The following GPC5 variants were observed in gnomAD, a reference collection of about 807,000 sequenced individuals.
The protein encoded by GPC5 is glypican 5.
GPC5 carries 47 observed loss-of-function variants against 53.9 expected under a neutral mutation model. The ratio of observed to expected loss-of-function variants is 0.87; its 90% CI spans 0.69 to 1.11. The LOEUF (loss-of-function observed/expected upper bound fraction) is 1.11. Ranked by LOEUF, GPC5 falls within the 50% of genes most tolerant of loss-of-function variation. The probability of loss-of-function intolerance (pLI) is 0.00; values close to 1 mark genes in which losing one functional copy is unlikely to be tolerated. For synonymous variants in GPC5, 286 were observed against 263.3 expected, an observed-to-expected ratio of 1.09 and a Z score of -0.84; for missense variants, 748 against 713.1, an observed-to-expected ratio of 1.05 and a Z score of -0.56.
At chr13:92,487,489 C>CT (rs1879598316) in intron 7 of GPC5, among the ~76,000 whole-genome samples, 1 of 152,138 alleles carries the variant, frequency 6.6e-6, no homozygotes, top group African/African-American at 2.4e-5. Context: ...TGGGATAATA[C>CT]TTATCTATAA....
chr13:91,528,048 A>G (rs997784769), intron 2 of GPC5, among the ~76,000 whole-genome samples: 1 of 152,070 alleles, frequency 6.6e-6, no homozygotes, highest in African/African-American at 2.4e-5. Flanking sequence ...AGTTCCCTGA[A>G]GACAATTGTC....
intron 6 of GPC5, among the ~76,000 whole-genome samples, chr13:91,917,751 G>T (rs1470180832): frequency 1.3e-5 from 2 of 152,170 alleles, no homozygotes; most frequent in African/African-American, 4.8e-5. Flanking sequence ...TTCCCAACAA[G>T]TTCCTCATCT....
In GPC5 at chr13:91,618,848, T is replaced by G. The variant is rs988595037; in HGVS notation, c.326-74339T>G. On this transcript the variant is annotated intron_variant, in intron 2 of 7. Transcript: ENST00000377067. ...CCCATAACCTAACTTACAGAGTTTT[T>G]GTATTAAATGAAATAATCTTTGTAT... 5.3e-5 allele frequency among the ~76,000 whole-genome samples: 8 copies of G among 152,078 alleles called. No homozygotes were observed. The East Asian group carries it at 1.5e-3, about 29-fold the overall frequency.
rs554096343 is a variant in GPC5, at chr13:92,084,039, G to A, written c.1402-60791G>A. Among the ~76,000 whole-genome samples, 5 of 152,254 alleles carry A rather than the reference G, an allele frequency of 3.3e-5. No homozygotes were observed. In the South Asian group the frequency reaches 1.0e-3, roughly 32 times the overall value. On this transcript the variant is annotated intron_variant, in intron 6 of 7. Coordinates refer to ENST00000377067, the MANE Select transcript of GPC5 (RefSeq NM_004466.6). ...ACACAGGAACAGAAAACCAAACACA[G>A]CATGTTCTCACTTATAAGTGGGAGC... is the stretch of plus-strand genomic sequence containing the variant.
rs202192899 is a variant in GPC5, at chr13:92,181,115, CA to C, written c.1561+36128del. On this transcript the variant is annotated intron_variant, in intron 7 of 7. Transcript: ENST00000377067. ...GCTACTACTCTTTCCTGATAGTCCA[CA>C]ATAGCTATAGCCAGCCTGGTTGTGG... 7.6e-3 allele frequency among the ~76,000 whole-genome samples: 1,152 copies of C among 152,234 alleles called. 9 individuals carry two copies. The highest frequency in any genetic ancestry group is 0.03 in the South Asian group (147 of 4,824).
chr13:92,828,250 A>G (rs1877921862), intron 7 of GPC5, among the ~76,000 whole-genome samples: 2 of 152,016 alleles, frequency 1.3e-5, no homozygotes, highest in East Asian at 3.9e-4. Flanking sequence ...CTCCCCCACC[A>G]CACCCCACAC....
chr13:92,500,393 G>A (rs916724626), intron 7 of GPC5, among the ~76,000 whole-genome samples: 2 of 152,168 alleles, frequency 1.3e-5, no homozygotes, highest in African/African-American at 2.4e-5. Context: ...CCATTAGAAG[G>A]TAATTACTGT....
At chr13:91,708,400 C>T (rs940943205) in intron 3 of GPC5, among the ~76,000 whole-genome samples, 6 of 148,402 alleles carry the variant, frequency 4.0e-5, no homozygotes, top group South Asian at 2.1e-4. Context: ...TACTTTAACA[C>T]GGTTTGTGAA....
At chr13:91,862,926 C>CT (rs1367983427) in intron 5 of GPC5, among the ~76,000 whole-genome samples, 2 of 151,920 alleles carry the variant, frequency 1.3e-5, no homozygotes, top group African/African-American at 2.4e-5. Context: ...TTTCTTCTTT[C>CT]TTTTTTTCCT....
intron 7 of GPC5, among the ~76,000 whole-genome samples, chr13:92,646,964 GTGTA>G (rs571871297): frequency 2.6e-4 from 39 of 150,692 alleles, no homozygotes; most frequent in South Asian, 1.9e-3. Context: ...GTGTGTGTGT[GTGTA>G]TATAAACCTG....
chr13:91,412,658 AG>A (rs1877895926), intron 1 of GPC5, among the ~76,000 whole-genome samples: 1 of 152,260 alleles, frequency 6.6e-6, no homozygotes, highest in Non-Finnish European at 1.5e-5. Context: ...ATAATTTCTC[AG>A]GAATATGACG....
chr13:92,825,331 A>C (rs1265091963), intron 7 of GPC5, among the ~76,000 whole-genome samples: 3 of 152,162 alleles, frequency 2.0e-5, no homozygotes, highest in Non-Finnish European at 4.4e-5. Context: ...CTAAAATTTT[A>C]CATGTACTAG....
chr13:91,867,191 G>A (rs2039094622), intron 5 of GPC5, among the ~76,000 whole-genome samples: 1 of 152,098 alleles, frequency 6.6e-6, no homozygotes, highest in South Asian at 2.1e-4. Flanking sequence ...CTCCAGCCTG[G>A]GAAACAAGAG....
At chr13:92,424,648 A>AT (rs59016705) in intron 7 of GPC5, among the ~76,000 whole-genome samples, 2,742 of 148,784 alleles carry the variant, frequency 0.018, 79 homozygotes, top group African/African-American at 0.06. Context: ...TGATCTCTGT[A>AT]TTTTTTTTTT....
chr13:92,376,341 G>A (rs1333355907), intron 7 of GPC5, among the ~76,000 whole-genome samples: 1 of 152,116 alleles, frequency 6.6e-6, no homozygotes, highest in Non-Finnish European at 1.5e-5. Flanking sequence ...TAGCTTCCAT[G>A]TCATCAATTT....
rs527747294 is a variant in GPC5 at position 91,731,045 on chromosome 13, G to A, written c.1154+2380G>A. 2.3e-4 allele frequency among the ~76,000 whole-genome samples: 35 copies of A among 152,304 alleles called. 1 individual carries two copies. The East Asian group carries it at 6.2e-3, about 27-fold the overall frequency. On this transcript the variant is annotated intron_variant, in intron 4 of 7. Coordinates refer to ENST00000377067, the MANE Select transcript of GPC5 (RefSeq NM_004466.6). The stretch of plus-strand genomic sequence containing the variant: ...CCCACAGGATATCTAGACAATCAAG[G>A]CTCCTGTCTACCATGGACTGGGAAA...
intron 6 of GPC5, among the ~76,000 whole-genome samples, chr13:92,066,762 CT>C (rs2041170931): frequency 6.6e-6 from 1 of 152,040 alleles, no homozygotes; most frequent in Non-Finnish European, 1.5e-5. Context: ...ATGTGTAATT[CT>C]TGCTTGAATG....
Position 92,390,906 on chromosome 13 carries a change from C to T in GPC5, c.1561+245917C>T, listed in dbSNP as rs146618239. On this transcript the variant is annotated intron_variant, in intron 7 of 7. Transcript: ENST00000377067. ...TTTAGGGCTTTGGTTCAACTGGTCA[C>T]ATAATCAATGTGTAGATTAATTTTA... is the stretch of plus-strand genomic sequence containing the variant. Among the ~76,000 whole-genome samples the T allele has an allele frequency of 2.0e-3, 298 of 152,172 alleles. 3 individuals are homozygous for T. The Middle Eastern group carries it at 0.038, about 19-fold the overall frequency.
intron 6 of GPC5, among the ~76,000 whole-genome samples, chr13:91,936,644 A>T (rs890138866): frequency 3.3e-5 from 5 of 152,102 alleles, no homozygotes; most frequent in Non-Finnish European, 5.9e-5. Context: ...TTTAGAGAGA[A>T]TAGGAAACAA....
Sources: gnomAD v4.1 joint callset for allele counts (sites outside exome capture counted in the v4.1 genomes callset) on GRCh38, gnomAD v4.1.1 for gene constraint, MANE v1.5 for transcripts, NCBI Gene and HGNC (gene_info 2026-07-23, HGNC 2026-07-21) for gene names.